Variants in TIGD7 observed in about 807,000 individuals in gnomAD.
The protein encoded by TIGD7 is tigger transposable element derived 7.
Under a neutral mutation model 24.8 loss-of-function variants are expected in TIGD7, and 26 were observed. That is an observed-to-expected ratio of 1.05 (90% CI 0.77 to 1.45). The LOEUF (loss-of-function observed/expected upper bound fraction) is 1.45, where lower values mean the gene tolerates loss of function less well. TIGD7 is among the 40% of genes most tolerant of loss of function. The pLI is 0.00. For synonymous variants in TIGD7, 221 were observed against 224.1 expected (o/e 0.99, Z 0.12); for missense variants, 679 against 641.6 (o/e 1.06, Z -0.63).
chr16:3,304,780 G>C (rs887435789), intron 1 of TIGD7: 2 of 152,138 alleles, frequency 1.3e-5, no homozygotes, highest in Non-Finnish European at 2.9e-5. Context: ...ACTATGTTAG[G>C]CGCTGCATGA....
At chr16:3,302,146 G>C (rs79818476) in intron 1 of TIGD7, 137 bp from the exon 2 acceptor site, 1 of 142,792 alleles carries the variant, frequency 7.0e-6, no homozygotes, top group Non-Finnish European at 1.5e-5. Context: ...TTTTTTTTTT[G>C]AGACAGAGTC....
At position 3,300,720 on chromosome 16, in the gene TIGD7, C is replaced by G; in HGVS notation, c.-106G>C. ...TTTTAAACAAAACTTAGCTGAAAGC[C>G]CCAGAAGGCATGGGCATTGTATTGG... On this transcript the variant is annotated 5_prime_UTR_variant, in exon 2 of 2. Coordinates refer to ENST00000396862, the MANE Select transcript of TIGD7 (RefSeq NM_033208.4). 1 of 1,471,040 alleles carries G rather than the reference C, an allele frequency of 6.8e-7. No individual in the cohort carries two copies. The highest frequency in any genetic ancestry group is 9.0e-7 in the Non-Finnish European group (1 of 1,113,242). The allele number at this position is 1,471,040 out of a possible 1,614,324, so 91.1% of individuals were successfully genotyped here.
At chr16:3,303,854 A>T (rs1056840522) in intron 1 of TIGD7, 1 of 152,418 alleles carries the variant, frequency 6.6e-6, no homozygotes, top group African/African-American at 2.4e-5. Context: ...GTTTTTTGCG[A>T]CGGAGTCTCG....
At chr16:3,304,390 A>G (rs1321001134) in intron 1 of TIGD7, among the ~76,000 whole-genome samples, 1 of 152,090 alleles carries the variant, frequency 6.6e-6, no homozygotes, top group Non-Finnish European at 1.5e-5. Flanking sequence ...AATTTCCCCC[A>G]ACCCCAAATC....
chr16:3,300,745 G>A lies in TIGD7; in HGVS notation c.-131C>T, dbSNP rs1959917338. 1 of 1,420,510 alleles carries A rather than the reference G, an allele frequency of 7.0e-7. No homozygotes were observed. The highest frequency in any genetic ancestry group is 1.5e-5 in the African/African-American group (1 of 68,928). The allele number at this position is 1,420,510 out of a possible 1,614,324, so 88.0% of individuals were successfully genotyped here. ...CCCAGAAGGCATGGGCATTGTATTG[G>A]AGGATAATGGACTGAAGGGGCTAAC... On this transcript the variant is annotated 5_prime_UTR_variant, in exon 2 of 2. Transcript: ENST00000396862.
rs1158905444 is a variant in TIGD7, at chr16:3,300,286, A to G, written c.329T>C (p.Phe110Ser). The change falls in exon 2 of 2, where the codon TTT becomes TCT. Residue 110 changes from phenylalanine (F) to serine (S), a missense_variant. Transcript: ENST00000396862. ...ATCTGTTCGCCCAAAACACCGTGCA[A>G]ATCTCTCTGCAGCAGCCTGAAGCTC... ...GVELQAAAER[F>S]ARCFGRTDFK... 1.2e-6 allele frequency: 2 copies of G among 1,614,074 alleles called. No individual in the cohort carries two copies. The highest frequency in any genetic ancestry group is 8.5e-7 in the Non-Finnish European group (1 of 1,180,038).
In TIGD7 at chr16:3,299,884, G is replaced by A; in HGVS notation, c.731C>T (p.Thr244Ile). ...ACTGGGTTTATATATCACAGGCAAT[G>A]TACTTGTGTCCTCTTTCACACTTTT... ...LPKSVKEDTS[T>I]LPVIYKPSKD... The change falls in exon 2 of 2, where the codon ACA becomes ATA. Residue 244 changes from threonine (T) to isoleucine (I), a missense_variant. Coordinates refer to ENST00000396862, the MANE Select transcript of TIGD7 (RefSeq NM_033208.4). 1 of 1,605,548 alleles carries A rather than the reference G, an allele frequency of 6.2e-7. No individual in the cohort carries two copies. The highest frequency in any genetic ancestry group is 8.5e-7 in the Non-Finnish European group (1 of 1,175,880).
At chr16:3,303,923 C>G (rs1273586600) in intron 1 of TIGD7, 1 of 152,256 alleles carries the variant, frequency 6.6e-6, no homozygotes, top group African/African-American at 2.4e-5. Context: ...AGCTCCGCCT[C>G]CCGGGTTCAC....
intron 1 of TIGD7, 122 bp from the exon 2 acceptor site, chr16:3,302,131 T>A (rs1258994913): frequency 6.6e-6 from 1 of 151,678 alleles, no homozygotes; most frequent in Non-Finnish European, 1.5e-5. Flanking sequence ...TAGAATTCTC[T>A]CTCTTTTTTT....
rs1596380213 is a variant in TIGD7, at chr16:3,303,525, T to C, written c.-1395-1516A>G. 2.6e-5 allele frequency among the ~76,000 whole-genome samples: 4 copies of C among 152,318 alleles called. No individual in the cohort carries two copies. In the Middle Eastern group the frequency reaches 0.014, roughly 518 times the overall value. ...GTTCTGATAGACTGAGAATATTTAC[T>C]GCTGAAGAAATGAAGTCCCAACCTG... is the stretch of plus-strand genomic sequence containing the variant. On this transcript the variant is annotated intron_variant, in intron 1 of 1. Coordinates refer to ENST00000396862, the MANE Select transcript of TIGD7 (RefSeq NM_033208.4).
Position 3,300,676 on chromosome 16 carries a change from C to CAA in TIGD7, c.-64_-63dup. 3.8e-6 allele frequency: 5 copies of CAA among 1,312,478 alleles called. No homozygotes were observed. The highest frequency in any genetic ancestry group is 2.7e-5 in the Admixed American group (1 of 36,504). 81.3% of individuals were successfully genotyped at this position (1,312,478 alleles called of 1,614,324 possible). A position where few individuals can be genotyped will look rare whatever the true frequency, so the allele number is the denominator to read the frequency against. On this transcript the variant is annotated 5_prime_UTR_variant, in exon 2 of 2. It removes the in-frame stop codon of an upstream open reading frame in the 5' UTR. Coordinates refer to ENST00000396862, the MANE Select transcript of TIGD7 (RefSeq NM_033208.4). ...AAAGGGAAAAGCCTTAATGAATTGG[C>CAA]AAAAAAAAAACCCACATTTTTTAAA...
chr16:3,302,359 C>G (rs1959961107), intron 1 of TIGD7, among the ~76,000 whole-genome samples: 1 of 152,154 alleles, frequency 6.6e-6, no homozygotes, highest in Admixed American at 6.6e-5. Context: ...AACTTCTGAA[C>G]TCATGATCCG....
intron 1 of TIGD7, among the ~76,000 whole-genome samples, chr16:3,302,887 G>C (rs576945895): frequency 6.7e-6 from 1 of 149,084 alleles, no homozygotes; most frequent in South Asian, 2.1e-4. Context: ...GCCCAGGCTG[G>C]AGTGCAGTGA....
rs142977074 is a variant in TIGD7, at chr16:3,300,397, G to A, written c.218C>T (p.Thr73Met). The A allele has an allele frequency of 8.1e-6, 13 of 1,613,952 alleles. No homozygotes were observed. Among genetic ancestry groups the A allele is most frequent in the African/African-American group, 1.3e-5 (1 of 74,854 alleles). The part of the protein sequence containing the change: ...LVGAEKRKRT[T>M]GAKYGDVDDA... ...ATCTACATCACCATATTTGGCTCCCGTTGTCCTCTTTCTCTTCTCAGCCCC... is the reference window on the plus strand; with the variant it reads ...ATCTACATCACCATATTTGGCTCCCATTGTCCTCTTTCTCTTCTCAGCCCC... The change falls in exon 2 of 2, where the codon ACG becomes ATG. Residue 73 changes from threonine (T) to methionine (M), a missense_variant. Transcript: ENST00000396862.
chr16:3,301,601 C>T lies in TIGD7; in HGVS notation c.-987G>A, dbSNP rs1325273238. ...AATCACAGCAATTCTCAGAGATGAG[C>T]CCAAAAGTTTTACAAATATTTCACC... On this transcript the variant is annotated 5_prime_UTR_variant, in exon 2 of 2. Transcript: ENST00000396862. 2 of 166,690 alleles carry T rather than the reference C, an allele frequency of 1.2e-5. No homozygotes were observed. The highest frequency in any genetic ancestry group is 6.5e-5 in the Admixed American group (1 of 15,274). The allele number at this position is 166,690 out of a possible 1,614,324, so 10.3% of individuals were successfully genotyped here.
chr16:3,300,215 C>G lies in TIGD7; in HGVS notation c.400G>C (p.Ala134Pro). The G allele has an allele frequency of 6.2e-7, 1 of 1,614,226 alleles. No individual in the cohort carries two copies. The highest frequency in any genetic ancestry group is 8.5e-7 in the Non-Finnish European group (1 of 1,180,042). The change falls in exon 2 of 2, where the codon GCA (alanine) becomes CCA (proline). Residue 134 changes from alanine to proline, a missense_variant. Transcript: ENST00000396862. Reference sequence around the variant, plus strand: ...CCACATCCTTTTCGGTTCCCAATTGCATGCCGATTTCGAAATCTAAAAAGC... The same window carrying G: ...CCACATCCTTTTCGGTTCCCAATTGGATGCCGATTTCGAAATCTAAAAAGC... ...GWLFRFRNRH[A>P]IGNRKGCGEQ...
chr16:3,299,862 G>A lies in TIGD7; in HGVS notation c.753C>T (p.Pro251=). The change falls in exon 2 of 2, where the codon CCC becomes CCT. Residue 251 remains proline (P), a synonymous_variant. Transcript: ENST00000396862. ...CTCTGGTGAACCAAACATCTTTACT[G>A]GGTTTATATATCACAGGCAATGTAC... ...DTSTLPVIYK[P]SKDVWFTREL... The A allele has an allele frequency of 6.3e-7, 1 of 1,595,912 alleles. No individual in the cohort carries two copies. The highest frequency in any genetic ancestry group is 8.5e-7 in the Non-Finnish European group (1 of 1,172,450).
chr16:3,302,658 C>G (rs1596379706), intron 1 of TIGD7, among the ~76,000 whole-genome samples: 1 of 151,044 alleles, frequency 6.6e-6, no homozygotes, highest in African/African-American at 2.5e-5. Context: ...AGACATAAAT[C>G]TTGGTTTATC....
chr16:3,300,558 T>A lies in TIGD7; in HGVS notation c.57A>T (p.Leu19=). 1.2e-6 allele frequency: 2 copies of A among 1,608,832 alleles called. No individual in the cohort carries two copies. Among genetic ancestry groups the A allele is most frequent in the Non-Finnish European group, 1.7e-6 (2 of 1,178,188 alleles). Residue 19 remains leucine, a synonymous_variant, in exon 2 of 2, where the codon CTA becomes CTT. Transcript: ENST00000396862. The part of the protein sequence containing the change: ...TLNLEEKMKV[L]SRIEAGRSLK... ...GTGATCGTCCAGCTTCAATTCTACTTAGAACCTTCATTTTCTCCTCCAAAT... is the reference window on the plus strand; with the variant it reads ...GTGATCGTCCAGCTTCAATTCTACTAAGAACCTTCATTTTCTCCTCCAAAT...
Sources: allele counts gnomAD v4.1 joint callset (sites outside exome capture counted in the v4.1 genomes callset), GRCh38; gene constraint gnomAD v4.1.1; transcripts MANE v1.5; gene names NCBI Gene and HGNC (gene_info 2026-07-23, HGNC 2026-07-21).